Variants in KIAA1217 observed in about 807,000 individuals in gnomAD.
The protein encoded by KIAA1217 is sickle tail protein homolog.
A neutral mutation model predicts 163.9 loss-of-function variants in KIAA1217; 88 were observed. That is an observed-to-expected ratio of 0.54 (90% CI 0.45 to 0.64). The LOEUF is 0.64. KIAA1217 is among the 30% of genes least tolerant of loss of function. KIAA1217 has a pLI of 0.00. For missense variants in KIAA1217, 2,372 were observed against 2,475.0 expected, an observed-to-expected ratio of 0.96 and a Z score of 0.88; for synonymous variants, 903 against 923.1, an observed-to-expected ratio of 0.98 and a Z score of 0.39.
At chr10:24,314,677 C>T (rs2043128121) in intron 2 of KIAA1217, among the ~76,000 whole-genome samples, 1 of 152,138 alleles carries the variant, frequency 6.6e-6, no homozygotes, top group Admixed American at 6.5e-5. Flanking sequence ...TGCAGTGGCT[C>T]ACGCCTGTAA....
intron 2 of KIAA1217, among the ~76,000 whole-genome samples, chr10:24,082,179 C>T (rs974365338): frequency 6.6e-6 from 1 of 152,130 alleles, no homozygotes; most frequent in Non-Finnish European, 1.5e-5. Flanking sequence ...TTCACTGTGC[C>T]TCTTCCCCAG....
chr10:24,471,995 C>A (rs945739326), intron 5 of KIAA1217, among the ~76,000 whole-genome samples: 2 of 151,576 alleles, frequency 1.3e-5, no homozygotes, highest in Admixed American at 1.3e-4. Flanking sequence ...CTTGAATGGT[C>A]GATTAACGCA....
At chr10:24,390,875 C>T (rs2054832619) in intron 3 of KIAA1217, among the ~76,000 whole-genome samples, 1 of 152,142 alleles carries the variant, frequency 6.6e-6, no homozygotes, top group Admixed American at 6.5e-5. Flanking sequence ...TGAAAAAAGG[C>T]AGCGTTGTCC....
Position 23,818,002 on chromosome 10 carries a change from TATATATACACAC to T in KIAA1217, c.-321+122776_-321+122787del, listed in dbSNP as rs1256389413. On this transcript the variant is annotated intron_variant, in intron 1 of 18. Coordinates refer to the KIAA1217 transcript ENST00000376462. ...ATATATATATATATATATATATATA[TATATATACACAC>T]ATATATATACACACATATATATACA... Among the ~76,000 whole-genome samples the T allele has an allele frequency of 2.0e-3, 209 of 103,710 alleles. 2 individuals carry two copies. Among genetic ancestry groups the T allele is most frequent in the African/African-American group, 6.9e-3 (173 of 25,054 alleles). 68.0% of individuals were successfully genotyped at this position (103,710 alleles called of 152,430 possible).
At chr10:24,501,893 C>T (rs970562771) in intron 9 of KIAA1217, among the ~76,000 whole-genome samples, 7 of 151,614 alleles carry the variant, frequency 4.6e-5, no homozygotes, top group African/African-American at 7.3e-5. Context: ...GAACTACAGG[C>T]GCCCGCCACC....
At position 24,228,852 on chromosome 10, in the gene KIAA1217, T is replaced by C. The variant is rs140775045; in HGVS notation, c.354+8943T>C. On this transcript the variant is annotated intron_variant, in intron 2 of 20. Transcript: ENST00000376454. ...GCACTTTATCTGTACAATGACGTCA[T>C]TGGCATTTTTACAGAATATAAACAT... 2.4e-4 allele frequency among the ~76,000 whole-genome samples: 37 copies of C among 152,360 alleles called. 1 individual carries two copies. The highest frequency in any genetic ancestry group is 8.9e-4 in the African/African-American group (37 of 41,590).
intron 1 of KIAA1217, among the ~76,000 whole-genome samples, chr10:23,973,619 A>G (rs1053317080): frequency 2.0e-5 from 3 of 152,256 alleles, no homozygotes; most frequent in Admixed American, 1.3e-4. Context: ...ATCGAGGAAG[A>G]TCAGTTAGCA....
At chr10:24,118,582 G>C (rs2063154504) in intron 2 of KIAA1217, among the ~76,000 whole-genome samples, 1 of 152,214 alleles carries the variant, frequency 6.6e-6, no homozygotes, top group South Asian at 2.1e-4. Flanking sequence ...TGAGTGAAGA[G>C]AAATGTCACA....
At chr10:24,409,084 T>A (rs1303721494) in intron 3 of KIAA1217, among the ~76,000 whole-genome samples, 1 of 152,194 alleles carries the variant, frequency 6.6e-6, no homozygotes, top group Non-Finnish European at 1.5e-5. Context: ...CACTTTTACA[T>A]ACACAGTCTT....
chr10:24,388,937 A>G (rs1001009839), intron 3 of KIAA1217, among the ~76,000 whole-genome samples: 73 of 150,118 alleles, frequency 4.9e-4, no homozygotes, highest in African/African-American at 1.7e-3. Flanking sequence ...AGAAATAGGA[A>G]CACTTTTACA....
intron 3 of KIAA1217, among the ~76,000 whole-genome samples, chr10:24,404,010 A>T (rs2056878225): frequency 6.6e-6 from 1 of 152,146 alleles, no homozygotes; most frequent in African/African-American, 2.4e-5. Context: ...AGGTTGGAGT[A>T]CAGCGGCGTA....
intron 2 of KIAA1217, among the ~76,000 whole-genome samples, chr10:24,115,827 C>T (rs146698688): frequency 1.8e-4 from 27 of 152,250 alleles, no homozygotes; most frequent in African/African-American, 5.5e-4. Flanking sequence ...GTTTTAAAAC[C>T]GGAACAACCC....
intron 2 of KIAA1217, among the ~76,000 whole-genome samples, chr10:24,330,426 G>C (rs1199525855): frequency 1.3e-5 from 2 of 152,086 alleles, no homozygotes; most frequent in Admixed American, 1.3e-4. Context: ...CAGAAAGTTT[G>C]TAAGTTTTGG....
chr10:24,091,334 C>T (rs538569244), intron 2 of KIAA1217, among the ~76,000 whole-genome samples: 2 of 151,890 alleles, frequency 1.3e-5, no homozygotes, highest in Non-Finnish European at 2.9e-5. Context: ...AAAACAACTG[C>T]TATTTTTCTT....
intron 2 of KIAA1217, among the ~76,000 whole-genome samples, chr10:24,081,400 T>C (rs1190288569): frequency 6.6e-6 from 1 of 152,122 alleles, no homozygotes; most frequent in Non-Finnish European, 1.5e-5. Context: ...GGGATACGGA[T>C]GAATGCTGGG....
At chr10:24,520,675 T>TATATATATATATATACAC (rs1411092462) in intron 11 of KIAA1217, among the ~76,000 whole-genome samples, 1 of 77,542 alleles carries the variant, frequency 1.3e-5, no homozygotes, top group Non-Finnish European at 2.3e-5. Context: ...TATATATATA[T>TATATATATATATATACAC]ACACACACAC....
chr10:24,547,119 T>G lies in KIAA1217; in HGVS notation c.*795T>G, dbSNP rs1266576550. ...CTCTAGTTGTTTTCTTTGGCGTATC[T>G]AACCCCTTCTTTTGTTTTCTGAGAC... On this transcript the variant is annotated 3_prime_UTR_variant, in exon 21 of 21. Transcript: ENST00000376454. The G allele has an allele frequency of 6.6e-6, 1 of 150,406 alleles. No individual in the cohort carries two copies. The highest frequency in any genetic ancestry group is 2.4e-5 in the African/African-American group (1 of 40,978). 9.3% of individuals were successfully genotyped at this position (150,406 alleles called of 1,614,324 possible). A position where few individuals can be genotyped will look rare whatever the true frequency, so the allele number is the denominator to read the frequency against.
intron 10 of KIAA1217, among the ~76,000 whole-genome samples, chr10:24,515,488 T>A (rs1452912481): frequency 6.6e-6 from 1 of 152,220 alleles, no homozygotes; most frequent in East Asian, 1.9e-4. Context: ...AGCATAGGAA[T>A]GAGACAGAAA....
At position 24,533,173 on chromosome 10, in the gene KIAA1217, C is replaced by A. The variant is rs1433034856; in HGVS notation, c.3350C>A (p.Thr1117Asn). 1 of 1,613,748 alleles carries A rather than the reference C, an allele frequency of 6.2e-7. No individual in the cohort carries two copies. Among genetic ancestry groups the A allele is most frequent in the East Asian group, 2.2e-5 (1 of 44,858 alleles). Residue 1117 changes from threonine (T) to asparagine (N), a missense_variant, in exon 16 of 21, where the codon ACC becomes AAC. Thr to Asn is a moderately conservative substitution (Grantham distance 65). This residue lies in a region of KIAA1217 where 1,431 missense variants were observed against 1,470.3 expected (regional missense o/e 0.97). Transcript: ENST00000376454. Reference sequence around the variant, plus strand: ...ACCCCATCCCCACCGCCTGTCACCACCTCCTCCTCAAAGGATGAGGAGGAA... The same window carrying A: ...ACCCCATCCCCACCGCCTGTCACCAACTCCTCCTCAAAGGATGAGGAGGAA... The part of the protein sequence containing the change: ...AWTPSPPPVT[T>N]SSSKDEEEEE...
Sources: allele counts gnomAD v4.1 joint callset (sites outside exome capture counted in the v4.1 genomes callset), GRCh38; gene constraint gnomAD v4.1.1; regional missense constraint gnomAD v4.1.1; transcripts MANE v1.5; gene names NCBI Gene and HGNC (gene_info 2026-07-23, HGNC 2026-07-21).